TRPM3: variants seen among roughly 807,000 people sequenced by gnomAD.
TRPM3 encodes transient receptor potential cation channel subfamily M member 3, also known as long transient receptor potential channel 3.
TRPM3 carries 77 observed loss-of-function variants against 181.2 expected under a neutral mutation model. The observed-to-expected ratio is 0.42, with a 90% CI of 0.35 to 0.51. The LOEUF (loss-of-function observed/expected upper bound fraction) is 0.51. Ranked by LOEUF, TRPM3 falls within the 20% of genes least tolerant of loss-of-function variation. TRPM3 has a pLI of 0.01. For missense variants in TRPM3, 1,759 were observed against 2,196.7 expected (o/e 0.80, Z 3.98); for synonymous variants, 745 against 796.4 (o/e 0.94, Z 1.09).
intron 1 of TRPM3, among the ~76,000 whole-genome samples, chr9:71,193,653 T>A (rs190580431): frequency 1.2e-3 from 179 of 152,040 alleles, no homozygotes; most frequent in Non-Finnish European, 1.6e-3. Flanking sequence ...ACTCTGTAAG[T>A]CCAAAACAAA....
In TRPM3 at chr9:71,331,891, G is replaced by GGGAGGAAGAAGA. The variant is rs1554878209; in HGVS notation, c.183+114750_183+114761dup. 1.0e-4 allele frequency among the ~76,000 whole-genome samples: 7 copies of GGGAGGAAGAAGA among 67,828 alleles called. 1 individual carries two copies. The highest frequency in any genetic ancestry group is 3.6e-4 in the African/African-American group (6 of 16,782). 44.5% of individuals were successfully genotyped at this position (67,828 alleles called of 152,430 possible). A position where few individuals can be genotyped will look rare whatever the true frequency, so the allele number is the denominator to read the frequency against. On this transcript the variant is annotated intron_variant, in intron 1 of 24. Coordinates refer to the TRPM3 transcript ENST00000357533. ...AGGAGGAAGAAAGAGGAGGAAGAAG[G>GGGAGGAAGAAGA]GGAGGAAGAAGAGGAGGAAGAAGAG...
chr9:71,348,648 C>CAGCCTCAGCCTCCTGGGTTCAAGCGAT (rs1227481228), intron 1 of TRPM3, among the ~76,000 whole-genome samples: 35 of 151,946 alleles, frequency 2.3e-4, no homozygotes, highest in Admixed American at 6.6e-4. Flanking sequence ...CCGCTCACTG[C>CAGCCTCAGCCTCCTGGGTTCAAGCGAT]AGCCTCAGCC....
chr9:71,162,017 C>A (rs1209598950), intron 1 of TRPM3, among the ~76,000 whole-genome samples: 1 of 151,742 alleles, frequency 6.6e-6, no homozygotes, highest in Non-Finnish European at 1.5e-5. Flanking sequence ...GCCTGGCCAA[C>A]ATGGTGAAAC....
intron 5 of TRPM3, among the ~76,000 whole-genome samples, chr9:70,841,666 C>A (rs1589125641): frequency 1.9e-5 from 2 of 103,948 alleles, no homozygotes; most frequent in Non-Finnish European, 4.0e-5. Flanking sequence ...ATATATCCCA[C>A]CATATATATG....
chr9:70,655,305 C>CAAAAAAAAAAAAAAAAAAAAAAA (rs1169901529), intron 9 of TRPM3, among the ~76,000 whole-genome samples: 3 of 33,184 alleles, frequency 9.0e-5, no homozygotes, highest in Admixed American at 9.3e-4. Flanking sequence ...GACTCCGTCT[C>CAAAAAAAAAAAAAAAAAAAAAAA]AAAAAAAAAA....
At chr9:71,195,375 C>T (rs189177304) in intron 1 of TRPM3, among the ~76,000 whole-genome samples, 1 of 151,854 alleles carries the variant, frequency 6.6e-6, no homozygotes, top group African/African-American at 2.4e-5. Flanking sequence ...ATGCGGCCAA[C>T]AAGTATATGA....
Position 71,216,784 on chromosome 9 carries a change from A to C in TRPM3, c.183+229869T>G, listed in dbSNP as rs145062645. ...ATAACTAGGTGCTCAACACAGGTTC[A>C]TGGCATTGAATTGAATACAACCATA... On this transcript the variant is annotated intron_variant, in intron 1 of 24. Transcript: ENST00000357533. Among the ~76,000 whole-genome samples, 359 of 152,292 alleles carry C rather than the reference A, an allele frequency of 2.4e-3. 1 individual carries two copies. Among genetic ancestry groups the C allele is most frequent in the Non-Finnish European group, 3.9e-3 (268 of 68,034 alleles).
At chr9:71,042,340 C>T (rs2058924315) in intron 1 of TRPM3, among the ~76,000 whole-genome samples, 1 of 152,188 alleles carries the variant, frequency 6.6e-6, no homozygotes, top group Admixed American at 6.5e-5. Context: ...CAGCATTTCC[C>T]ACTTCATGTA....
chr9:70,989,390 A>C (rs759892616), intron 1 of TRPM3, among the ~76,000 whole-genome samples: 1 of 152,206 alleles, frequency 6.6e-6, no homozygotes, highest in Non-Finnish European at 1.5e-5. Context: ...TTTGTAATAA[A>C]TCCTCTACAG....
At chr9:70,559,671 G>T (rs1564324060) in intron 22 of TRPM3, among the ~76,000 whole-genome samples, 1 of 152,144 alleles carries the variant, frequency 6.6e-6, no homozygotes, top group Admixed American at 6.6e-5. Context: ...TGAAATTGAC[G>T]CAAGAGAAGG....
intron 18 of TRPM3, among the ~76,000 whole-genome samples, chr9:70,612,916 C>G (rs1199122790): frequency 1.3e-5 from 2 of 152,132 alleles, no homozygotes; most frequent in African/African-American, 2.4e-5. Context: ...TTTTAGGCAT[C>G]TTGGAGAGTG....
chr9:71,142,329 C>G (rs1370137280), intron 1 of TRPM3, among the ~76,000 whole-genome samples: 1 of 152,114 alleles, frequency 6.6e-6, no homozygotes, highest in Non-Finnish European at 1.5e-5. Flanking sequence ...ACCTTCAAAA[C>G]AAACCCTAAA....
intron 1 of TRPM3, chr9:70,917,135 T>G (rs1287311386): frequency 6.2e-7 from 1 of 1,605,492 alleles, no homozygotes; most frequent in Non-Finnish European, 8.5e-7. Context: ...TCGGATGAGT[T>G]CGGCCACATC....
At chr9:71,104,691 G>GT (rs1409851782) in intron 1 of TRPM3, among the ~76,000 whole-genome samples, 12 of 151,964 alleles carry the variant, frequency 7.9e-5, no homozygotes, top group Admixed American at 1.3e-4. Flanking sequence ...TACCCGTTAA[G>GT]TTTTTTTTGC....
chr9:71,345,702 A>G (rs527967503), intron 1 of TRPM3, among the ~76,000 whole-genome samples: 4 of 152,308 alleles, frequency 2.6e-5, no homozygotes, highest in South Asian at 2.1e-4. Flanking sequence ...ACAAACCTGC[A>G]TGTTCTGCAT....
intron 22 of TRPM3, 74 bp downstream of exon 22, chr9:70,590,957 G>T: frequency 1.3e-6 from 2 of 1,592,266 alleles, no homozygotes; most frequent in South Asian, 1.1e-5. Context: ...ACAAACAAAT[G>T]AACTTGGAAA....
Position 70,846,549 on chromosome 9 carries a change from G to A in TRPM3, c.505C>T (p.His169Tyr). ...SFDTKPDLLL[H>Y]LMTKEWQLEL... The stretch of plus-strand genomic sequence containing the variant: ...AACTGCCATTCCTTGGTCATCAGGT[G>A]TAAGAGGAGATCAGGTTTTGTATCA... The change falls in exon 4 of 26, where the codon CAC becomes TAC. Residue 169 changes from histidine (H) to tyrosine (Y), a missense_variant. Around this residue, in one of 8 missense-constraint regions of TRPM3, gnomAD observed 737 missense variants for 957.4 expected, o/e 0.77. Transcript: ENST00000677713. 1 of 1,614,124 alleles carries A rather than the reference G, an allele frequency of 6.2e-7. No individual in the cohort carries two copies. Among genetic ancestry groups the A allele is most frequent in the African/African-American group, 1.3e-5 (1 of 75,020 alleles).
chr9:71,359,436 G>A (rs1340178604), intron 1 of TRPM3, among the ~76,000 whole-genome samples: 4 of 152,174 alleles, frequency 2.6e-5, no homozygotes, highest in African/African-American at 7.2e-5. Context: ...CTATGTAAAT[G>A]CCTCCAGTTG....
chr9:71,053,971 G>A (rs1286733282), intron 1 of TRPM3, among the ~76,000 whole-genome samples: 2 of 152,118 alleles, frequency 1.3e-5, no homozygotes, highest in Admixed American at 6.5e-5. Flanking sequence ...GCACAGAGCT[G>A]GAAGAGGCCT....
Sources: allele counts gnomAD v4.1 joint callset (sites outside exome capture counted in the v4.1 genomes callset), GRCh38; gene constraint gnomAD v4.1.1; regional missense constraint gnomAD v4.1.1; transcripts MANE v1.5; gene names NCBI Gene and HGNC (gene_info 2026-07-23, HGNC 2026-07-21).